Variants in ZNF114 observed in about 807,000 individuals in gnomAD.
The protein encoded by ZNF114 is zinc finger protein 114.
A neutral mutation model predicts 6.8 loss-of-function variants in ZNF114; 8 were observed. The observed-to-expected ratio is 1.18, with a 90% CI of 0.69 to 2.13. The LOEUF (loss-of-function observed/expected upper bound fraction) is 2.13. ZNF114 is among the 30% of genes most tolerant of loss of function. The probability of loss-of-function intolerance (pLI) is 0.00; values close to 1 mark genes in which losing one functional copy is unlikely to be tolerated. For synonymous variants in ZNF114, 169 were observed against 185.5 expected (o/e 0.91, Z 0.72); for missense variants, 472 against 519.5 (o/e 0.91, Z 0.89).
At chr19:48,270,366 T>C (rs1421981679) in intron 1 of ZNF114, 147 bp downstream of exon 1, 1 of 136,684 alleles carries the variant, frequency 7.3e-6, no homozygotes, top group Non-Finnish European at 1.5e-5. Context: ...CACTCCAGCC[T>C]GAAGGACAGA....
At position 48,285,627 on chromosome 19, in the gene ZNF114, G is replaced by A. The variant is rs1325421957; in HGVS notation, c.137-134G>A. 1.6e-5 allele frequency: 16 copies of A among 979,258 alleles called. 1 individual carries two copies. Among genetic ancestry groups the A allele is most frequent in the African/African-American group, 3.4e-5 (2 of 58,744 alleles). 60.7% of individuals were successfully genotyped at this position (979,258 alleles called of 1,614,324 possible). The stretch of plus-strand genomic sequence containing the variant: ...AGGAAGGAAGGAAGAAAGAAAGGAT[G>A]GAAGGAGCGAGGGAGGGAGGGAAAG... On this transcript the variant is annotated intron_variant, in intron 5 of 5. Transcript: ENST00000595607.
Position 48,276,567 on chromosome 19 carries a change from G to A in ZNF114, c.-69-3164G>A, listed in dbSNP as rs578097931. On this transcript the variant is annotated intron_variant, in intron 3 of 5. Coordinates refer to ENST00000595607, the MANE Select transcript of ZNF114 (RefSeq NM_153608.4). ...GATAGGGCCTCATTCTGTCACCCAA[G>A]TTGGAGTGCAGTAGTGCAATCATAG... 4.6e-5 allele frequency among the ~76,000 whole-genome samples: 7 copies of A among 152,236 alleles called. No homozygotes were observed. In the South Asian group the frequency reaches 1.5e-3, roughly 32 times the overall value.
At chr19:48,270,752 GAGAAAAAAGAGAA>G (rs1286073234) in intron 1 of ZNF114, among the ~76,000 whole-genome samples, 1 of 110,634 alleles carries the variant, frequency 9.0e-6, no homozygotes, top group South Asian at 2.8e-4. Flanking sequence ...AGAAAGAAAA[GAGAAAAAAGAGAA>G]AGAAAGAAAG....
chr19:48,283,782 G>A (rs958610519), intron 5 of ZNF114, among the ~76,000 whole-genome samples: 5 of 151,772 alleles, frequency 3.3e-5, no homozygotes, highest in African/African-American at 1.2e-4. Flanking sequence ...TGCCCAGGCT[G>A]GAGTGCAGTG....
chr19:48,285,543 AGAAGGAAG>A (rs35030246), intron 5 of ZNF114, among the ~76,000 whole-genome samples: 1 of 147,076 alleles, frequency 6.8e-6, no homozygotes, highest in Non-Finnish European at 1.5e-5. Flanking sequence ...GAGAGAGGAA[AGAAGGAAG>A]GAAGGAAGGA....
chr19:48,281,193 G>A (rs531469913), intron 4 of ZNF114, among the ~76,000 whole-genome samples: 5 of 152,266 alleles, frequency 3.3e-5, no homozygotes, highest in Admixed American at 2.0e-4. Flanking sequence ...TCTACCAATC[G>A]ACTGTACCTC....
intron 3 of ZNF114, among the ~76,000 whole-genome samples, chr19:48,272,667 C>G (rs1967696783): frequency 2.9e-5 from 1 of 34,744 alleles, no homozygotes; most frequent in East Asian, 5.3e-4. Flanking sequence ...GAGCAAGACT[C>G]TCTCTCAAAA....
rs762418040 is a variant in ZNF114, at chr19:48,286,721, G to A, written c.1097G>A (p.Cys366Tyr). Residue 366 changes from cysteine to tyrosine, a missense_variant, in exon 6 of 6, where the codon TGT (cysteine) becomes TAT (tyrosine). Transcript: ENST00000595607. Reference sequence around the variant, plus strand: ...AAGAAGCCCTACGAATGTGAAGAATGTGGGAAAGTCATTCGGGAGTCCTCA... The same window carrying A: ...AAGAAGCCCTACGAATGTGAAGAATATGGGAAAGTCATTCGGGAGTCCTCA... ...VQKKPYECEE[C>Y]GKVIRESSKY... The A allele has an allele frequency of 1.2e-6, 2 of 1,613,822 alleles. No homozygotes were observed. The highest frequency in any genetic ancestry group is 2.2e-5 in the South Asian group (2 of 90,948).
rs113096721 is a variant in ZNF114 at position 48,273,428 on chromosome 19, GT to G, written c.-70+1614del. On this transcript the variant is annotated intron_variant, in intron 3 of 5. Transcript: ENST00000595607. Reference sequence around the variant, plus strand: ...TGTTTTTCTTTTTCTTTTCTTTTCTGTTTTTTTTTTTTTTAAACTACTGTCC... The same window carrying G: ...TGTTTTTCTTTTTCTTTTCTTTTCTGTTTTTTTTTTTTTAAACTACTGTCC... Among the ~76,000 whole-genome samples the G allele has an allele frequency of 2.0e-3, 296 of 144,736 alleles. 1 individual carries two copies. The highest frequency in any genetic ancestry group is 5.7e-3 in the African/African-American group (226 of 39,410). The allele number at this position is 144,736 out of a possible 152,430, so 95.0% of individuals were successfully genotyped here. A position where few individuals can be genotyped will look rare whatever the true frequency, so the allele number is the denominator to read the frequency against.
intron 5 of ZNF114, among the ~76,000 whole-genome samples, chr19:48,283,208 G>C (rs1395485686): frequency 1.3e-5 from 2 of 152,098 alleles, no homozygotes; most frequent in African/African-American, 4.8e-5. Flanking sequence ...TTCTCTTCGT[G>C]ATTGAACAGA....
At position 48,286,229 on chromosome 19, in the gene ZNF114, GCAGT is replaced by G. The variant is rs1434495319; in HGVS notation, c.609_612del (p.Ser203ArgfsTer117). Reference sequence around the variant, plus strand: ...GAGCTGAAATCAAGCACATGGACTGGCAGTCAGAACACTGTGCATCATATACGTG... The same window carrying G: ...GAGCTGAAATCAAGCACATGGACTGGCAGAACACTGTGCATCATATACGTG... On this transcript the variant is annotated frameshift_variant, in exon 6 of 6. Coordinates refer to ENST00000595607, the MANE Select transcript of ZNF114 (RefSeq NM_153608.4). LOFTEE classifies it low-confidence loss of function (END_TRUNC). The G allele has an allele frequency of 3.1e-6, 5 of 1,614,198 alleles. No individual in the cohort carries two copies. Among genetic ancestry groups the G allele is most frequent in the Admixed American group, 1.7e-5 (1 of 60,008 alleles).
In ZNF114 at chr19:48,286,705, T is replaced by C. The variant is rs762264907; in HGVS notation, c.1081T>C (p.Tyr361His). 2 of 1,613,556 alleles carry C rather than the reference T, an allele frequency of 1.2e-6. No individual in the cohort carries two copies. The highest frequency in any genetic ancestry group is 2.7e-5 in the African/African-American group (2 of 74,994). ...LRKHVVQKKP[Y>H]ECEECGKVIR... is the part of the protein sequence containing the mutation. ...AAAGCATGTTGTGCAGAAGAAGCCCTACGAATGTGAAGAATGTGGGAAAGT... is the reference window on the plus strand; with the variant it reads ...AAAGCATGTTGTGCAGAAGAAGCCCCACGAATGTGAAGAATGTGGGAAAGT... The change falls in exon 6 of 6, where the codon TAC becomes CAC. Residue 361 changes from tyrosine to histidine, a missense_variant. Coordinates refer to ENST00000595607, the MANE Select transcript of ZNF114 (RefSeq NM_153608.4).
At chr19:48,276,867 A>G (rs1967849464) in intron 3 of ZNF114, among the ~76,000 whole-genome samples, 1 of 152,218 alleles carries the variant, frequency 6.6e-6, no homozygotes, top group South Asian at 2.1e-4. Flanking sequence ...CCAACTAAAC[A>G]TGTAGCTGGG....
At chr19:48,284,425 T>A (rs995631497) in intron 5 of ZNF114, among the ~76,000 whole-genome samples, 6 of 151,432 alleles carry the variant, frequency 4.0e-5, no homozygotes, top group African/African-American at 9.7e-5. Context: ...AATTTTTTTT[T>A]AATTAAAAGG....
At chr19:48,274,994 T>G (rs564755240) in intron 3 of ZNF114, among the ~76,000 whole-genome samples, 1 of 151,044 alleles carries the variant, frequency 6.6e-6, no homozygotes, top group Non-Finnish European at 1.5e-5. Flanking sequence ...AAGTTAGACC[T>G]GGCCAGGCAC....
At chr19:48,277,360 T>TA (rs562970715) in intron 3 of ZNF114, among the ~76,000 whole-genome samples, 1 of 151,880 alleles carries the variant, frequency 6.6e-6, no homozygotes, top group African/African-American at 2.4e-5. Flanking sequence ...AAAATAAAAA[T>TA]AAAAAAATGA....
rs12459413 is a variant in ZNF114 at position 48,287,221 on chromosome 19, C to T, written c.*343C>T. ...AAAAATGTAGGAAAGACCTGCCGGC[C>T]GCGGTGGCTCATGCCTGTAATCCCA... On this transcript the variant is annotated 3_prime_UTR_variant, in exon 6 of 6. Coordinates refer to ENST00000595607, the MANE Select transcript of ZNF114 (RefSeq NM_153608.4). The T allele has an allele frequency of 6.2e-3, 1,019 of 163,224 alleles. 12 individuals are homozygous for T. The highest frequency in any genetic ancestry group is 0.023 in the African/African-American group (953 of 41,742). The allele number at this position is 163,224 out of a possible 1,614,324, so 10.1% of individuals were successfully genotyped here. A position where few individuals can be genotyped will look rare whatever the true frequency, so the allele number is the denominator to read the frequency against.
intron 3 of ZNF114, among the ~76,000 whole-genome samples, chr19:48,272,353 A>C (rs936976228): frequency 1.3e-5 from 2 of 151,470 alleles, no homozygotes; most frequent in African/African-American, 2.4e-5. Context: ...TGGAGGTTGC[A>C]GTGAGCCGAA....
At chr19:48,270,763 GAA>G (rs1326805597) in intron 1 of ZNF114, among the ~76,000 whole-genome samples, 6 of 15,460 alleles carry the variant, frequency 3.9e-4, no homozygotes, top group Admixed American at 1.3e-3. Context: ...AGAAAAAAGA[GAA>G]AGAAAGAAAG....
Sources: allele counts gnomAD v4.1 joint callset (sites outside exome capture counted in the v4.1 genomes callset), GRCh38; gene constraint gnomAD v4.1.1; transcripts MANE v1.5; gene names NCBI Gene and HGNC (gene_info 2026-07-23, HGNC 2026-07-21).